The following PCDHGA2 variants were observed in gnomAD, a reference collection of about 807,000 sequenced individuals.
PCDHGA2 encodes the protein protocadherin gamma subfamily A, 2.
A neutral mutation model predicts 59.2 loss-of-function variants in PCDHGA2; 40 were observed. The observed-to-expected ratio is 0.68, with a 90% CI of 0.52 to 0.88. The LOEUF (loss-of-function observed/expected upper bound fraction) is 0.88, where lower values mean the gene tolerates loss of function less well. Ranked by LOEUF, PCDHGA2 falls within the 40% of genes least tolerant of loss-of-function variation. The pLI, the probability that PCDHGA2 is intolerant of heterozygous loss-of-function variation, is 0.00. For synonymous variants in PCDHGA2, 560 were observed against 526.0 expected (o/e 1.06, Z -0.89); for missense variants, 1,226 against 1,204.0 (o/e 1.02, Z -0.27).
chr5:141,373,542 G>A (rs1451979596), intron 1 of PCDHGA2, among the ~76,000 whole-genome samples: 1 of 152,216 alleles, frequency 6.6e-6, no homozygotes. Flanking sequence ...GTTTGTGGTT[G>A]TTGGTACCCT....
intron 1 of PCDHGA2, chr5:141,413,279 TCTC>T (rs759727755): frequency 2.4e-5 from 39 of 1,613,826 alleles, no homozygotes; most frequent in Non-Finnish European, 3.1e-5. Flanking sequence ...GCCCGGCAGA[TCTC>T]CTACTCAATT....
In PCDHGA2 at chr5:141,487,000, G is replaced by A. The variant is rs1410493699; in HGVS notation, c.2425-7807G>A. On this transcript the variant is annotated intron_variant, in intron 1 of 3. Transcript: ENST00000394576. The surrounding 1 kb of genome is among the most constrained non-coding windows in gnomAD (Gnocchi z 5.0). ...GTTACAATGCTTGGGTTTCCTATCA[G>A]CTCCTGGAGGCCCCAGATCCCAGCC... The A allele has an allele frequency of 6.2e-7, 1 of 1,614,194 alleles. No homozygotes were observed. The highest frequency in any genetic ancestry group is 8.5e-7 in the Non-Finnish European group (1 of 1,180,036).
At chr5:141,492,710 G>A (rs11953270) in intron 1 of PCDHGA2, among the ~76,000 whole-genome samples, 27,341 of 152,278 alleles carry the variant, frequency 0.18, 2,647 homozygotes, top group Admixed American at 0.28. Flanking sequence ...GAAGCCTCGA[G>A]CAGGCGGACA....
chr5:141,395,332 AT>A (rs2093216099), intron 1 of PCDHGA2: 2 of 1,450,272 alleles, frequency 1.4e-6, no homozygotes, highest in Non-Finnish European at 9.2e-7. Flanking sequence ...GTTGAAAATA[AT>A]TTTTAAGGTG....
intron 1 of PCDHGA2, among the ~76,000 whole-genome samples, chr5:141,363,946 A>T (rs1763122244): frequency 1.3e-5 from 2 of 152,228 alleles, no homozygotes; most frequent in African/African-American, 4.8e-5. Flanking sequence ...AATCATATTG[A>T]TCTCAGGGAT....
rs201120335 is a variant in PCDHGA2, at chr5:141,389,439, G to T, written c.2424+48044G>T. On this transcript the variant is annotated intron_variant, in intron 1 of 3. Transcript: ENST00000394576. ...GGTGGTGTTCGCGCAGCGCGCCTTC[G>T]ACCACGAGCAGCTGCGCGCCTTCGA... The T allele has an allele frequency of 4.0e-4, 652 of 1,610,462 alleles. No individual in the cohort carries two copies. The highest frequency in any genetic ancestry group is 5.4e-4 in the Non-Finnish European group (638 of 1,178,376).
At chr5:141,355,344 C>A (rs1350319384) in intron 1 of PCDHGA2, 3 of 1,613,926 alleles carry the variant, frequency 1.9e-6, no homozygotes, top group African/African-American at 1.3e-5. Flanking sequence ...TGGGCAACAT[C>A]GCCAAGGACC....
Position 141,486,817 on chromosome 5 carries a change from T to A in PCDHGA2, c.2425-7990T>A, listed in dbSNP as rs143638501. On this transcript the variant is annotated intron_variant, in intron 1 of 3. Transcript: ENST00000394576. The surrounding 1 kb of genome is among the most constrained non-coding windows in gnomAD (Gnocchi z 5.0). ...GGGGCAACCCACCCCTTAGCAGCAC[T>A]GTAACAGTTCGTCTATTTGTGCTGG... 1 of 1,614,102 alleles carries A rather than the reference T, an allele frequency of 6.2e-7. No homozygotes were observed. Among genetic ancestry groups the A allele is most frequent in the East Asian group, 2.2e-5 (1 of 44,898 alleles).
At position 141,491,587 on chromosome 5, in the gene PCDHGA2, G is replaced by A. The variant is rs1177701526; in HGVS notation, c.2425-3220G>A. 1.2e-6 allele frequency: 2 copies of A among 1,613,834 alleles called. No individual in the cohort carries two copies. Among genetic ancestry groups the A allele is most frequent in the African/African-American group, 2.7e-5 (2 of 74,926 alleles). On this transcript the variant is annotated intron_variant, in intron 1 of 3. Coordinates refer to ENST00000394576, the MANE Select transcript of PCDHGA2 (RefSeq NM_018915.4). The surrounding 1 kb of genome is among the most constrained non-coding windows in gnomAD (Gnocchi z 6.9). ...CAGGACGTGCTTTTCACCGGCCTCG[G>A]ACGGCAGTGACTTCACTTTTCTAAG...
intron 1 of PCDHGA2, among the ~76,000 whole-genome samples, chr5:141,407,377 C>A (rs1436703926): frequency 6.6e-6 from 1 of 152,170 alleles, no homozygotes; most frequent in Non-Finnish European, 1.5e-5. Context: ...TCCATGAAGG[C>A]TTGTATGTCA....
At chr5:141,345,581 G>T (rs1757602963) in intron 1 of PCDHGA2, 2 of 1,614,172 alleles carry the variant, frequency 1.2e-6, no homozygotes, top group Non-Finnish European at 1.7e-6. Flanking sequence ...TCCTATACGC[G>T]CTGAGATCCT....
chr5:141,357,627 T>A, intron 1 of PCDHGA2: 1 of 1,613,408 alleles, frequency 6.2e-7, no homozygotes, highest in South Asian at 1.1e-5. Flanking sequence ...TTCAGGTGAG[T>A]CAATCTTATA....
At chr5:141,466,938 G>C (rs985959499) in intron 1 of PCDHGA2, among the ~76,000 whole-genome samples, 1 of 151,854 alleles carries the variant, frequency 6.6e-6, no homozygotes, top group Non-Finnish European at 1.5e-5. Context: ...TTAGTCCTTT[G>C]TCCAGTAAAC....
chr5:141,439,667 C>T (rs149776177), intron 1 of PCDHGA2, among the ~76,000 whole-genome samples: 2,012 of 152,292 alleles, frequency 0.013, 16 homozygotes, highest in Middle Eastern at 0.034. Context: ...TCATGGAATG[C>T]AAATCCAAGA....
chr5:141,340,447 G>A lies in PCDHGA2; in HGVS notation c.1476G>A (p.Ala492=). 2 of 1,614,172 alleles carry A rather than the reference G, an allele frequency of 1.2e-6. No homozygotes were observed. The highest frequency in any genetic ancestry group is 1.7e-6 in the Non-Finnish European group (2 of 1,180,034). ...NDNAHVTYSF[A]EDTVQGAPLS... is the part of the protein sequence containing the mutation. Reference sequence around the variant, plus strand: ...ATGCTCATGTAACTTACTCTTTCGCGGAGGACACTGTTCAGGGGGCACCCT... The same window carrying A: ...ATGCTCATGTAACTTACTCTTTCGCAGAGGACACTGTTCAGGGGGCACCCT... Residue 492 remains alanine (A), a synonymous_variant, in exon 1 of 4, where the codon GCG becomes GCA. Coordinates refer to ENST00000394576, the MANE Select transcript of PCDHGA2 (RefSeq NM_018915.4).
intron 1 of PCDHGA2, chr5:141,355,351 G>C: frequency 1.2e-6 from 2 of 1,614,038 alleles, no homozygotes; most frequent in Non-Finnish European, 1.7e-6. Context: ...CATCGCCAAG[G>C]ACCTGGGGTT....
chr5:141,419,730 G>A (rs747960969), intron 1 of PCDHGA2: 9 of 1,613,746 alleles, frequency 5.6e-6, no homozygotes, highest in Non-Finnish European at 7.6e-6. Context: ...CTGCGAACAG[G>A]CGAGGTGCGC....
At chr5:141,430,846 C>CCA in intron 1 of PCDHGA2, 1 of 1,576,346 alleles carries the variant, frequency 6.3e-7, no homozygotes, top group Non-Finnish European at 8.6e-7. Context: ...CCGGATGCAC[C>CCA]CAGATACGCT....
intron 1 of PCDHGA2, chr5:141,359,958 AG>A (rs1446776013): frequency 1.7e-6 from 1 of 585,260 alleles, no homozygotes; most frequent in African/African-American, 1.9e-5. Flanking sequence ...AAAAGAACGA[AG>A]AGAAGCGTTT....
Sources: gnomAD v4.1 joint callset for allele counts (sites outside exome capture counted in the v4.1 genomes callset) on GRCh38, gnomAD v4.1.1 for gene constraint, Gnocchi (gnomAD v3.1) non-coding constraint, MANE v1.5 for transcripts, NCBI Gene and HGNC (gene_info 2026-07-23, HGNC 2026-07-21) for gene names.